NR3C1: variants seen among roughly 807,000 people sequenced by gnomAD.
NR3C1 encodes the protein nuclear receptor subfamily 3 group C member 1.
Under a neutral mutation model 74.0 loss-of-function variants are expected in NR3C1, and 14 were observed. The ratio of observed to expected loss-of-function variants is 0.19; its 90% CI spans 0.12 to 0.30. The LOEUF (loss-of-function observed/expected upper bound fraction) is 0.30. NR3C1 is among the 10% of genes least tolerant of loss of function. The pLI, the probability that NR3C1 is intolerant of heterozygous loss-of-function variation, is 1.00. For synonymous variants in NR3C1, 308 were observed against 332.5 expected, an observed-to-expected ratio of 0.93 and a Z score of 0.80; for missense variants, 695 against 909.8, an observed-to-expected ratio of 0.76 and a Z score of 3.04.
At chr5:143,298,870 G>C in intron 5 of NR3C1, 58 bp from the exon 6 acceptor site, 1 of 1,578,722 alleles carries the variant, frequency 6.3e-7, no homozygotes. Flanking sequence ...ATCTCTGTGG[G>C]AATTGCCAAG....
chr5:143,425,643 C>T (rs115619226), intron 1 of NR3C1, among the ~76,000 whole-genome samples: 1 of 152,202 alleles, frequency 6.6e-6, no homozygotes, highest in African/African-American at 2.4e-5. Context: ...TTATTCATTA[C>T]AGAAATGCAA....
intron 4 of NR3C1, among the ~76,000 whole-genome samples, chr5:143,304,413 CACAA>C (rs1193008859): frequency 1.3e-5 from 2 of 151,992 alleles, no homozygotes; most frequent in Non-Finnish European, 2.9e-5. Context: ...TCAAAGATGA[CACAA>C]ACAAATGGAA....
intron 1 of NR3C1, 68 bp from the exon 2 acceptor site, chr5:143,400,920 C>T: frequency 8.3e-7 from 1 of 1,211,764 alleles, no homozygotes; most frequent in East Asian, 2.4e-5. Flanking sequence ...TCTTCCTGAT[C>T]CGATTAGTAA....
At chr5:143,413,623 AAC>A (rs1841377637) in intron 1 of NR3C1, among the ~76,000 whole-genome samples, 1 of 152,174 alleles carries the variant, frequency 6.6e-6, no homozygotes, top group African/African-American at 2.4e-5. Context: ...ACCTGGATTT[AAC>A]ACATCCTGCC....
upstream of NR3C1, chr5:143,404,496 C>CCCCCA: frequency 1.0e-6 from 1 of 982,258 alleles, no homozygotes; most frequent in Non-Finnish European, 1.2e-6. Context: ...AAGCAGAACC[C>CCCCCA]ACCCTCCCCC....
At chr5:143,355,429 T>A (rs1363537174) in intron 2 of NR3C1, among the ~76,000 whole-genome samples, 1 of 152,100 alleles carries the variant, frequency 6.6e-6, no homozygotes, top group Non-Finnish European at 1.5e-5. Flanking sequence ...TGAGCTAGGA[T>A]CATGCCACTG....
In NR3C1 at chr5:143,332,946, G is replaced by T. The variant is rs545271766; in HGVS notation, c.1185-18778C>A. On this transcript the variant is annotated intron_variant, in intron 2 of 8. Coordinates refer to ENST00000394464, the MANE Select transcript of NR3C1 (RefSeq NM_000176.3). ...ATTTCCAAATCTGAAGTCTGTCCGA[G>T]AACTCATTTTGAAACGTGGACAAGC... is the stretch of plus-strand genomic sequence containing the variant. 2.3e-5 allele frequency: 36 copies of T among 1,577,608 alleles called. 1 individual carries two copies. Among genetic ancestry groups the T allele is most frequent in the Non-Finnish European group, 2.8e-5 (33 of 1,161,818 alleles).
At chr5:143,399,224 A>G (rs1206342819) in intron 2 of NR3C1, among the ~76,000 whole-genome samples, 1 of 152,206 alleles carries the variant, frequency 6.6e-6, no homozygotes, top group Non-Finnish European at 1.5e-5. Context: ...GAATTTACAA[A>G]TAAGGCAGCA....
At chr5:143,360,742 A>T (rs191609917) in intron 2 of NR3C1, among the ~76,000 whole-genome samples, 5 of 152,310 alleles carry the variant, frequency 3.3e-5, no homozygotes, top group Admixed American at 1.3e-4. Flanking sequence ...CCACCTAATG[A>T]TGTTTCCGGG....
Position 143,374,264 on chromosome 5 carries a change from G to T in NR3C1, c.1184+25392C>A, listed in dbSNP as rs374574577. 2.3e-3 allele frequency among the ~76,000 whole-genome samples: 344 copies of T among 152,176 alleles called. 1 individual carries two copies. The highest frequency in any genetic ancestry group is 7.9e-3 in the African/African-American group (328 of 41,500). On this transcript the variant is annotated intron_variant, in intron 2 of 8. Coordinates refer to ENST00000394464, the MANE Select transcript of NR3C1 (RefSeq NM_000176.3). Reference sequence around the variant, plus strand: ...TCCCAGCACTTTGGGAGGCCGAGGCGGGTGGATCACGAGGTCAGGAGATCG... The same window carrying T: ...TCCCAGCACTTTGGGAGGCCGAGGCTGGTGGATCACGAGGTCAGGAGATCG...
chr5:143,302,745 A>C (rs1561514079), intron 4 of NR3C1, among the ~76,000 whole-genome samples: 2 of 152,152 alleles, frequency 1.3e-5, no homozygotes, highest in African/African-American at 4.8e-5. Flanking sequence ...GCAAGAAATA[A>C]TACTAATTAA....
intron 2 of NR3C1, among the ~76,000 whole-genome samples, chr5:143,359,846 A>G (rs1831900546): frequency 6.6e-6 from 1 of 152,202 alleles, no homozygotes; most frequent in Admixed American, 6.5e-5. Context: ...TGAACCCAGG[A>G]GGCAGAGGTT....
intron 2 of NR3C1, among the ~76,000 whole-genome samples, chr5:143,336,518 G>T (rs897531013): frequency 6.6e-6 from 1 of 152,080 alleles, no homozygotes; most frequent in Non-Finnish European, 1.5e-5. Flanking sequence ...ATTCTGAAAG[G>T]CTCAAAAACT....
rs1054163769 is a variant in NR3C1, at chr5:143,403,653, G to A, written c.-456C>T. ...AAAGGGCAGCCCGGCCTGGGCGAGCGAGCGGGACCGAGCGGGGAGCGGGTG... is the reference window on the plus strand; with the variant it reads ...AAAGGGCAGCCCGGCCTGGGCGAGCAAGCGGGACCGAGCGGGGAGCGGGTG... On this transcript the variant is annotated 5_prime_UTR_variant, in exon 1 of 9. Coordinates refer to ENST00000394464, the MANE Select transcript of NR3C1 (RefSeq NM_000176.3). The A allele has an allele frequency of 1.0e-6, 1 of 985,698 alleles. No homozygotes were observed. Among genetic ancestry groups the A allele is most frequent in the Admixed American group, 6.1e-5 (1 of 16,278 alleles). The allele number at this position is 985,698 out of a possible 1,614,324, so 61.1% of individuals were successfully genotyped here.
At chr5:143,405,127 G>T, upstream of NR3C1, 1 of 985,614 alleles carries the variant, frequency 1.0e-6, no homozygotes, top group Non-Finnish European at 1.2e-6. Context: ...AGGCTTGGAC[G>T]ATGCCGGGAC....
chr5:143,372,352 G>A (rs1834374564), intron 2 of NR3C1, among the ~76,000 whole-genome samples: 2 of 152,154 alleles, frequency 1.3e-5, no homozygotes, highest in East Asian at 1.9e-4. Context: ...GCCAAGTGTT[G>A]TAATACTAGA....
chr5:143,400,813 A>G lies in NR3C1; in HGVS notation c.27T>C (p.Pro9=). 6.2e-7 allele frequency: 1 copy of G among 1,614,044 alleles called. No individual in the cohort carries two copies. The highest frequency in any genetic ancestry group is 8.5e-7 in the Non-Finnish European group (1 of 1,180,018). The change falls in exon 2 of 9, where the codon CCT becomes CCC. Residue 9 remains proline, a synonymous_variant. Coordinates refer to ENST00000394464, the MANE Select transcript of NR3C1 (RefSeq NM_000176.3). The stretch of plus-strand genomic sequence containing the variant: ...CACTGCTGGGGTTTTCTTCTCTACC[A>G]GGAGTTAATGATTCTTTGGAGTCCA... MDSKESLT[P]GREENPSSVL...
chr5:143,368,356 CAAAGAATT>C (rs1833635964), intron 2 of NR3C1, among the ~76,000 whole-genome samples: 1 of 151,824 alleles, frequency 6.6e-6, no homozygotes, highest in Non-Finnish European at 1.5e-5. Context: ...GTGCCAAAAA[CAAAGAATT>C]AAAAAATAAA....
rs766089744 is a variant in NR3C1, at chr5:143,282,756, A to ATTTTC, written c.2024-36_2024-32dup. 5.8e-6 allele frequency: 9 copies of ATTTTC among 1,564,138 alleles called. No homozygotes were observed. In the African/African-American group the frequency reaches 1.3e-4, roughly 22 times the overall value. On this transcript the variant is annotated intron_variant, in intron 7 of 8. Transcript: ENST00000394464. ...AGGTTAAGATGAAGTCAGTTAAAGG[A>ATTTTC]TTTTCTTTTTCTTTTCTTTTCTTTT... is the stretch of plus-strand genomic sequence containing the variant.
Sources: allele counts gnomAD v4.1 joint callset (sites outside exome capture counted in the v4.1 genomes callset), GRCh38; gene constraint gnomAD v4.1.1; transcripts MANE v1.5; gene names NCBI Gene and HGNC (gene_info 2026-07-23, HGNC 2026-07-21).